The following COL28A1 variants were observed in gnomAD, a reference collection of about 807,000 sequenced individuals.
COL28A1 encodes the protein collagen alpha-1(XXVIII) chain.
Under a neutral mutation model 150.2 loss-of-function variants are expected in COL28A1, and 161 were observed. That is an observed-to-expected ratio of 1.07 (90% CI 0.94 to 1.22). The LOEUF (loss-of-function observed/expected upper bound fraction) is 1.22, where lower values mean the gene tolerates loss of function less well. Among genes scored for constraint, COL28A1 ranks in the 50% most tolerant of loss-of-function variants. The probability of loss-of-function intolerance (pLI) is 0.00; values close to 1 mark genes in which losing one functional copy is unlikely to be tolerated. For synonymous variants in COL28A1, 552 were observed against 469.7 expected (o/e 1.18, Z -2.26); for missense variants, 1,617 against 1,388.3 (o/e 1.16, Z -2.62).
intron 27 of COL28A1, among the ~76,000 whole-genome samples, chr7:7,402,076 G>A (rs914671373): frequency 7.2e-5 from 11 of 152,170 alleles, no homozygotes; most frequent in South Asian, 4.1e-4. Flanking sequence ...GTGTAGTGAC[G>A]GGATTCTCCC....
intron 27 of COL28A1, among the ~76,000 whole-genome samples, chr7:7,408,105 T>C (rs891194159): frequency 6.6e-6 from 1 of 152,158 alleles, no homozygotes; most frequent in Admixed American, 6.6e-5. Flanking sequence ...ATACTGTTTG[T>C]TCTTCTCATT....
At chr7:7,523,845 G>C (rs1011664963) in intron 4 of COL28A1, among the ~76,000 whole-genome samples, 2 of 152,124 alleles carry the variant, frequency 1.3e-5, no homozygotes, top group Non-Finnish European at 2.9e-5. Context: ...CTGTCTCTTA[G>C]CTGGGAACCC....
In COL28A1 at chr7:7,490,592, G is replaced by T; in HGVS notation, c.1081C>A (p.Gln361Lys). 7.4e-7 allele frequency: 1 copy of T among 1,354,190 alleles called. No homozygotes were observed. Among genetic ancestry groups the T allele is most frequent in the Non-Finnish European group, 1.1e-6 (1 of 943,888 alleles). The allele number at this position is 1,354,190 out of a possible 1,614,324, so 83.9% of individuals were successfully genotyped here. ...AGTATCTTTACCTTAATACCTTGCT[G>T]TCCAATTCCAGGAGCTCCTGGAGAA... Reference protein sequence around the residue: ...YGSPGAPGIGQQGIKGERGQE... With the variant: ...YGSPGAPGIGKQGIKGERGQE... Residue 361 changes from glutamine (Q) to lysine (K), a missense_variant, in exon 12 of 35, where the codon CAG (glutamine) becomes AAG (lysine). Transcript: ENST00000399429.
At chr7:7,436,860 CA>C (rs1454106579) in intron 22 of COL28A1, among the ~76,000 whole-genome samples, 1 of 152,136 alleles carries the variant, frequency 6.6e-6, no homozygotes, top group Admixed American at 6.5e-5. Flanking sequence ...GCCAACATGG[CA>C]AAACCCCGTC....
chr7:7,523,116 A>G (rs1465858352), intron 4 of COL28A1, among the ~76,000 whole-genome samples: 2 of 151,848 alleles, frequency 1.3e-5, no homozygotes, highest in Non-Finnish European at 2.9e-5. Context: ...TAATAAGAAG[A>G]CACTGTATCA....
chr7:7,367,113 G>A (rs79498130), intron 33 of COL28A1, among the ~76,000 whole-genome samples: 4,875 of 152,226 alleles, frequency 0.032, 256 homozygotes, highest in African/African-American at 0.11. Flanking sequence ...TATATATATA[G>A]ATACTTACCA....
Position 7,474,141 on chromosome 7 carries a change from T to C in COL28A1, c.1302+460A>G, listed in dbSNP as rs150182260. On this transcript the variant is annotated intron_variant, in intron 15 of 34. Transcript: ENST00000399429. ...AGGAATGAATTAATGGCATTTGCAG[T>C]GACCTGAATGAGATTGGAGACTATC... 8.2e-3 allele frequency among the ~76,000 whole-genome samples: 1,235 copies of C among 150,506 alleles called. 11 individuals are homozygous for C. Among genetic ancestry groups the C allele is most frequent in the Middle Eastern group, 0.051 (15 of 292 alleles).
chr7:7,425,992 A>G (rs575792300), intron 25 of COL28A1, among the ~76,000 whole-genome samples: 1 of 152,176 alleles, frequency 6.6e-6, no homozygotes, highest in East Asian at 1.9e-4. Context: ...GGCTTTAATC[A>G]TACTCTCTCC....
intron 13 of COL28A1, among the ~76,000 whole-genome samples, chr7:7,486,493 G>A (rs1243647687): frequency 6.6e-6 from 1 of 152,130 alleles, no homozygotes; most frequent in East Asian, 1.9e-4. Flanking sequence ...ACTGATGAGA[G>A]CAGACATCTT....
chr7:7,442,472 A>T (rs1030266510), intron 20 of COL28A1, among the ~76,000 whole-genome samples: 4 of 152,184 alleles, frequency 2.6e-5, no homozygotes, highest in Admixed American at 6.5e-5. Context: ...ATTTCACGTG[A>T]TGATGTTATC....
intron 15 of COL28A1, among the ~76,000 whole-genome samples, chr7:7,461,327 G>C (rs6973525): frequency 3.9e-5 from 6 of 152,182 alleles, no homozygotes; most frequent in Non-Finnish European, 7.3e-5. Flanking sequence ...AAGCCCACAG[G>C]GGGAAGGAAA....
intron 3 of COL28A1, 47 bp downstream of exon 3, chr7:7,531,301 G>T: frequency 1.3e-6 from 1 of 758,202 alleles, no homozygotes. Flanking sequence ...CAACAAATAT[G>T]TCAATATTAT....
At chr7:7,500,476 G>A (rs1780457796) in intron 11 of COL28A1, among the ~76,000 whole-genome samples, 1 of 152,184 alleles carries the variant, frequency 6.6e-6, no homozygotes, top group Non-Finnish European at 1.5e-5. Context: ...GCTCATATCT[G>A]TCCAGTTCTT....
intron 27 of COL28A1, among the ~76,000 whole-genome samples, chr7:7,402,335 A>G (rs1045417624): frequency 6.6e-6 from 1 of 152,214 alleles, no homozygotes; most frequent in African/African-American, 2.4e-5. Flanking sequence ...CCTATATTCT[A>G]TGGCTCAGAA....
In COL28A1 at chr7:7,413,576, C is replaced by A. The variant is rs576583237; in HGVS notation, c.2136+4283G>T. Among the ~76,000 whole-genome samples the A allele has an allele frequency of 5.3e-5, 8 of 152,292 alleles. No individual in the cohort carries two copies. In the South Asian group the frequency reaches 1.7e-3, roughly 32 times the overall value. The stretch of plus-strand genomic sequence containing the variant: ...GCCAAGAGTTTATGAAGCAGGTATA[C>A]CCCTTCTACATACTCCCTTTTTGCC... On this transcript the variant is annotated intron_variant, in intron 27 of 34. Coordinates refer to ENST00000399429, the MANE Select transcript of COL28A1 (RefSeq NM_001037763.3).
intron 11 of COL28A1, among the ~76,000 whole-genome samples, chr7:7,495,210 T>C (rs955303929): frequency 6.6e-6 from 1 of 152,174 alleles, no homozygotes; most frequent in Non-Finnish European, 1.5e-5. Context: ...TTTTAAAGTA[T>C]TAATTATTTT....
At chr7:7,523,537 G>T (rs547025748) in intron 4 of COL28A1, among the ~76,000 whole-genome samples, 1 of 151,912 alleles carries the variant, frequency 6.6e-6, no homozygotes, top group Non-Finnish European at 1.5e-5. Context: ...ATGGTGTGAC[G>T]TAGGTTTGGT....
At chr7:7,444,573 C>T in intron 18 of COL28A1, 84 bp from the exon 19 acceptor site, 1 of 1,337,048 alleles carries the variant, frequency 7.5e-7, no homozygotes, top group Non-Finnish European at 1.0e-6. Context: ...CTTACAGTGT[C>T]TGAGAAAAGC....
chr7:7,340,563 T>C, the COL28A1 span, among the ~76,000 whole-genome samples: 3 of 152,108 alleles, frequency 2.0e-5, no homozygotes, highest in African/African-American at 7.2e-5. Flanking sequence ...CCGTAGGCAA[T>C]TAGCTCAATG....
Sources: gnomAD v4.1 joint callset for allele counts (sites outside exome capture counted in the v4.1 genomes callset) on GRCh38, gnomAD v4.1.1 for gene constraint, MANE v1.5 for transcripts, NCBI Gene and HGNC (gene_info 2026-07-23, HGNC 2026-07-21) for gene names.